STOX1: variants seen among roughly 807,000 people sequenced by gnomAD.
STOX1 encodes storkhead box 1.
In STOX1, 57 loss-of-function variants were observed where a neutral mutation model predicts 74.8. The observed-to-expected ratio is 0.76, with a 90% CI of 0.62 to 0.95. STOX1 has a LOEUF of 0.95. Ranked by LOEUF, STOX1 falls within the 40% of genes least tolerant of loss-of-function variation. The pLI, the probability that STOX1 is intolerant of heterozygous loss-of-function variation, is 0.00. For synonymous variants in STOX1, 375 were observed against 401.3 expected (o/e 0.93, Z 0.78); for missense variants, 1,010 against 1,117.0 (o/e 0.90, Z 1.37).
chr10:68,884,925 C>A lies in STOX1; in HGVS notation c.1129C>A (p.His377Asn). The change falls in exon 3 of 4, where the codon CAC becomes AAC. Residue 377 changes from histidine (H) to asparagine (N), a missense_variant. Transcript: ENST00000298596. ...PILTVDNLIK[H>N]TVLMQKYEEQ... Reference sequence around the variant, plus strand: ...TTTGACTGTTGACAATTTAATCAAACACACTGTCCTAATGCAAAAATACGA... The same window carrying A: ...TTTGACTGTTGACAATTTAATCAAAAACACTGTCCTAATGCAAAAATACGA... 6.2e-7 allele frequency: 1 copy of A among 1,614,072 alleles called. No individual in the cohort carries two copies. Among genetic ancestry groups the A allele is most frequent in the African/African-American group, 1.3e-5 (1 of 74,996 alleles).
At chr10:68,841,005 T>G (rs1465321753) in intron 1 of STOX1, among the ~76,000 whole-genome samples, 2 of 151,698 alleles carry the variant, frequency 1.3e-5, no homozygotes, top group Non-Finnish European at 2.9e-5. Flanking sequence ...TGGAGTGCAG[T>G]GGTGCGATCC....
intron 1 of STOX1, among the ~76,000 whole-genome samples, chr10:68,864,220 G>A (rs1253532924): frequency 2.0e-5 from 3 of 152,016 alleles, no homozygotes; most frequent in Non-Finnish European, 4.4e-5. Context: ...CACCGCACCC[G>A]GCCAAGTTCT....
Position 68,827,670 on chromosome 10 carries a change from T to C in STOX1, c.47T>C (p.Leu16Pro). The C allele has an allele frequency of 8.8e-7, 1 of 1,130,704 alleles. No homozygotes were observed. The highest frequency in any genetic ancestry group is 1.1e-6 in the Non-Finnish European group (1 of 923,490). 70.0% of individuals were successfully genotyped at this position (1,130,704 alleles called of 1,614,324 possible). Residue 16 changes from leucine (L) to proline (P), a missense_variant, in exon 1 of 4, where the codon CTG becomes CCG. Transcript: ENST00000298596. ...QLAPGSLALV[L>P]CRLEAQKAAG... ...GCGCCGGGCTCGCTGGCGCTAGTGC[T>C]GTGCCGGCTGGAGGCGCAGAAGGCG...
At position 68,885,620 on chromosome 10, in the gene STOX1, A is replaced by T. The variant is rs10509305; in HGVS notation, c.1824A>T (p.Glu608Asp). Residue 608 changes from glutamate (E) to aspartate (D), a missense_variant, in exon 3 of 4, where the codon GAA becomes GAT. Transcript: ENST00000298596. ...CPFMESMLRY[E>D]VYGGENEVIP... is the part of the protein sequence containing the mutation. The stretch of plus-strand genomic sequence containing the variant: ...TTATGGAAAGCATGTTGAGATATGA[A>T]GTGTATGGTGGAGAAAATGAGGTAA... The T allele has an allele frequency of 3.1e-6, 5 of 1,614,070 alleles. No homozygotes were observed. Among genetic ancestry groups the T allele is most frequent in the Admixed American group, 1.7e-5 (1 of 60,004 alleles).
intron 1 of STOX1, among the ~76,000 whole-genome samples, chr10:68,860,881 C>T (rs180956268): frequency 6.6e-6 from 1 of 152,084 alleles, no homozygotes. Context: ...GGGACTGATG[C>T]CTGGTCAAAT....
rs34851444 is a variant in STOX1 at position 68,852,173 on chromosome 10, C to G, written c.310+24240C>G. Among the ~76,000 whole-genome samples the G allele has an allele frequency of 2.7e-5, 4 of 150,144 alleles. 1 individual carries two copies. In the East Asian group the frequency reaches 7.9e-4, roughly 30 times the overall value. On this transcript the variant is annotated intron_variant, in intron 1 of 3. Transcript: ENST00000298596. ...ATGTTATCTCACTGTCTTCTGACCT[C>G]TGTTGTTTCTGATGAGAAGTCAGCT...
chr10:68,853,125 A>G (rs1385616801), intron 1 of STOX1, among the ~76,000 whole-genome samples: 2 of 151,980 alleles, frequency 1.3e-5, no homozygotes, highest in Admixed American at 1.3e-4. Flanking sequence ...GGGTTTCACC[A>G]TGTTAGCCAG....
chr10:68,848,138 C>T (rs1393605313), intron 1 of STOX1, among the ~76,000 whole-genome samples: 1 of 151,484 alleles, frequency 6.6e-6, no homozygotes, highest in Non-Finnish European at 1.5e-5. Context: ...CCAGCCCTGA[C>T]CTGGGTGCCA....
intron 1 of STOX1, among the ~76,000 whole-genome samples, chr10:68,876,560 C>A (rs908183134): frequency 1.3e-5 from 2 of 152,166 alleles, no homozygotes; most frequent in Non-Finnish European, 2.9e-5. Context: ...GCACAAATAA[C>A]CTCAGCTCTA....
At chr10:68,880,390 C>T (rs1840789215) in intron 1 of STOX1, among the ~76,000 whole-genome samples, 1 of 152,048 alleles carries the variant, frequency 6.6e-6, no homozygotes, top group Non-Finnish European at 1.5e-5. Context: ...CTATGTTGCT[C>T]AGGCTGATCT....
chr10:68,858,671 G>A lies in STOX1; in HGVS notation c.311-23287G>A, dbSNP rs1474826328. Among the ~76,000 whole-genome samples, 3 of 152,088 alleles carry A rather than the reference G, an allele frequency of 2.0e-5. No homozygotes were observed. In the East Asian group the frequency reaches 5.8e-4, roughly 29 times the overall value. On this transcript the variant is annotated intron_variant, in intron 1 of 3. Transcript: ENST00000298596. ...TGATGCTTTCCAGATTGGGACACGA[G>A]CGGTTCAGAGGTTGGGAGAGAGGGT... is the stretch of plus-strand genomic sequence containing the variant.
intron 1 of STOX1, among the ~76,000 whole-genome samples, chr10:68,843,729 T>C (rs537284770): frequency 2.4e-4 from 36 of 152,238 alleles, no homozygotes; most frequent in African/African-American, 7.9e-4. Context: ...AGCTAATTTT[T>C]TGTATTTTAA....
intron 1 of STOX1, among the ~76,000 whole-genome samples, chr10:68,880,598 CT>C (rs911067552): frequency 1.5e-4 from 22 of 149,102 alleles, no homozygotes; most frequent in African/African-American, 2.2e-4. Context: ...TTTTGAAGCC[CT>C]TTTTTTTTTC....
chr10:68,890,547 ATGTT>A (rs900591506), intron 3 of STOX1, among the ~76,000 whole-genome samples: 2 of 152,080 alleles, frequency 1.3e-5, no homozygotes, highest in Non-Finnish European at 2.9e-5. Context: ...TTACATAAAA[ATGTT>A]TGTGGGCATT....
chr10:68,874,859 G>C (rs1840638090), intron 1 of STOX1, among the ~76,000 whole-genome samples: 2 of 152,146 alleles, frequency 1.3e-5, no homozygotes, highest in Admixed American at 6.5e-5. Context: ...ACCCTCCAAG[G>C]GTGTTGTGAG....
rs1231803437 is a variant in STOX1, at chr10:68,886,124, G to C, written c.2328G>C (p.Glu776Asp). ...GNHLGKQKVI[E>D]RSLTEYNSTM... ...ATTTAGGAAAACAAAAAGTGATTGA[G>C]AGATCTCTGACCGAGTACAACAGCA... The change falls in exon 3 of 4, where the codon GAG becomes GAC. Residue 776 changes from glutamate (E) to aspartate (D), a missense_variant. Transcript: ENST00000298596. 6.2e-7 allele frequency: 1 copy of C among 1,614,190 alleles called. No homozygotes were observed. Among genetic ancestry groups the C allele is most frequent in the East Asian group, 2.2e-5 (1 of 44,892 alleles).
At chr10:68,834,912 C>T (rs1482063981) in intron 1 of STOX1, among the ~76,000 whole-genome samples, 2 of 151,988 alleles carry the variant, frequency 1.3e-5, no homozygotes, top group Admixed American at 1.3e-4. Flanking sequence ...TTAGTAGAGA[C>T]GGGGTTTCTC....
intron 1 of STOX1, among the ~76,000 whole-genome samples, chr10:68,878,607 C>T (rs1840736986): frequency 6.6e-6 from 1 of 152,202 alleles, no homozygotes; most frequent in African/African-American, 2.4e-5. Context: ...TGTGACCTTC[C>T]AAGGCCAGAT....
At chr10:68,875,840 G>A (rs1029090973) in intron 1 of STOX1, among the ~76,000 whole-genome samples, 2 of 152,088 alleles carry the variant, frequency 1.3e-5, no homozygotes, top group East Asian at 1.9e-4. Context: ...ATGAATCCAC[G>A]TCCATCCTAC....
Sources: gnomAD v4.1 joint callset for allele counts (sites outside exome capture counted in the v4.1 genomes callset) on GRCh38, gnomAD v4.1.1 for gene constraint, MANE v1.5 for transcripts, NCBI Gene and HGNC (gene_info 2026-07-23, HGNC 2026-07-21) for gene names.